The following ZBTB37 variants were observed in gnomAD, a reference collection of about 807,000 sequenced individuals.
ZBTB37 encodes the protein zinc finger and BTB domain-containing protein 37.
A neutral mutation model predicts 37.7 loss-of-function variants in ZBTB37; 15 were observed. That is an observed-to-expected ratio of 0.40 (90% CI 0.27 to 0.61). The LOEUF is 0.61. Among genes scored for constraint, ZBTB37 ranks in the 20% least tolerant of loss-of-function variants. ZBTB37 has a pLI of 0.44. For missense variants in ZBTB37, 514 were observed against 641.9 expected (o/e 0.80, Z 2.15); for synonymous variants, 231 against 220.6 (o/e 1.05, Z -0.42).
In ZBTB37 at chr1:173,870,707, G is replaced by C. The variant is rs770244691; in HGVS notation, c.482G>C (p.Arg161Pro). 15 of 1,614,120 alleles carry C rather than the reference G, an allele frequency of 9.3e-6. No homozygotes were observed. In the Admixed American group the frequency reaches 2.5e-4, roughly 27 times the overall value. ...CACAGGGTTACACCAAATCTCAACC[G>C]CTCCCTTAGCCCACGACATAATACC... The change falls in exon 3 of 5, where the codon CGC becomes CCC. Residue 161 changes from arginine to proline, a missense_variant. Arg to Pro is a moderately radical substitution (Grantham distance 103). Coordinates refer to ENST00000427304, the Ensembl canonical transcript of ZBTB37.
intron 4 of ZBTB37, among the ~76,000 whole-genome samples, chr1:173,881,578 A>G (rs1656310604): frequency 6.6e-6 from 1 of 152,224 alleles, no homozygotes; most frequent in African/African-American, 2.4e-5. Context: ...CCAACAGTGC[A>G]AAAGTGTTCC....
exon 3 of ZBTB37, chr1:173,870,614 A>G (rs749925927): frequency 6.2e-7 from 1 of 1,614,222 alleles, no homozygotes. Flanking sequence ...TTCAAAATTA[A>G]TGTGGCTGAG....
At chr1:173,871,101 G>T (rs758699490) in exon 3 of ZBTB37, 1 of 1,613,098 alleles carries the variant, frequency 6.2e-7, no homozygotes, top group African/African-American at 1.3e-5. Flanking sequence ...ATACTTTAGG[G>T]TCTTCAGGAG....
chr1:173,885,528 A>T (rs1026028465), intron 4 of ZBTB37, 108 bp from the exon 5 acceptor site: 3 of 960,828 alleles, frequency 3.1e-6, no homozygotes, highest in East Asian at 5.4e-5. Context: ...ATCCGCCACT[A>T]AAAAGGTACA....
At chr1:173,868,127 C>T (rs1046579570), upstream of ZBTB37, 4 of 157,770 alleles carry the variant, frequency 2.5e-5, no homozygotes, top group African/African-American at 9.6e-5. Flanking sequence ...TTCTTCCCAC[C>T]CCTTAAGTCC....
At chr1:173,875,291 G>A (rs1655887246) in intron 4 of ZBTB37, among the ~76,000 whole-genome samples, 1 of 148,670 alleles carries the variant, frequency 6.7e-6, no homozygotes, top group South Asian at 2.1e-4. Flanking sequence ...CTAATTTGTA[G>A]CATTTTATTT....
downstream of ZBTB37, chr1:173,886,981 G>T (rs1163894648): frequency 6.6e-6 from 1 of 152,156 alleles, no homozygotes; most frequent in Non-Finnish European, 1.5e-5. Context: ...TTGGGTAATG[G>T]CTCTAGTTCA....
At chr1:173,881,158 A>G (rs1267618561) in intron 4 of ZBTB37, among the ~76,000 whole-genome samples, 2 of 151,702 alleles carry the variant, frequency 1.3e-5, no homozygotes, top group Admixed American at 1.3e-4. Context: ...CCTGTGTCCA[A>G]GTGTTCTCAT....
At chr1:173,893,690 T>TA (rs1656939078) in exon 4 of ZBTB37, 1 of 152,260 alleles carries the variant, frequency 6.6e-6, no homozygotes, top group African/African-American at 2.4e-5. Flanking sequence ...TTTGAATGCT[T>TA]ACTATGTGCC....
intron 4 of ZBTB37, among the ~76,000 whole-genome samples, chr1:173,879,917 C>G (rs1557887644): frequency 6.6e-6 from 1 of 152,212 alleles, no homozygotes; most frequent in East Asian, 1.9e-4. Flanking sequence ...TGCTACTGCA[C>G]TCCAGCCTGG....
chr1:173,883,830 A>G (rs1411033505), intron 4 of ZBTB37, among the ~76,000 whole-genome samples: 1 of 152,152 alleles, frequency 6.6e-6, no homozygotes, highest in Non-Finnish European at 1.5e-5. Flanking sequence ...GGAAGGGACA[A>G]AACACATTTT....
chr1:173,894,384 T>G (rs1656965008), exon 4 of ZBTB37: 1 of 152,210 alleles, frequency 6.6e-6, no homozygotes. Context: ...CTGGTGGTAT[T>G]CAGCAGGTGG....
At chr1:173,874,170 G>A (rs1250684051) in intron 4 of ZBTB37, among the ~76,000 whole-genome samples, 1 of 149,790 alleles carries the variant, frequency 6.7e-6, no homozygotes, top group African/African-American at 2.5e-5. Context: ...CAGGACAATG[G>A]CTTGAACCCG....
chr1:173,871,240 C>T, intron 3 of ZBTB37, 92 bp downstream of exon 3: 2 of 1,266,290 alleles, frequency 1.6e-6, no homozygotes, highest in Non-Finnish European at 2.1e-6. Flanking sequence ...ATTTTCCTTA[C>T]CTGATTTTCT....
At chr1:173,884,927 C>T (rs937037829) in intron 4 of ZBTB37, among the ~76,000 whole-genome samples, 1 of 152,110 alleles carries the variant, frequency 6.6e-6, no homozygotes, top group African/African-American at 2.4e-5. Context: ...TGGGGTAGAG[C>T]ATTTTCATCA....
Position 173,873,332 on chromosome 1 carries a change from A to G in ZBTB37, c.924-135A>G, listed in dbSNP as rs1164202389. On this transcript the variant is annotated intron_variant, in intron 3 of 4. Coordinates refer to ENST00000427304, the Ensembl canonical transcript of ZBTB37. ...TCAGATTATGTATTAACTCCACAAA[A>G]CTATTCCTCAGTTATTTGTTGCTTG... 1.8e-5 allele frequency: 15 copies of G among 835,984 alleles called. No individual in the cohort carries two copies. The East Asian group carries it at 3.9e-4, about 22-fold the overall frequency. The allele number at this position is 835,984 out of a possible 1,614,324, so 51.8% of individuals were successfully genotyped here. A position where few individuals can be genotyped will look rare whatever the true frequency, so the allele number is the denominator to read the frequency against.
exon 5 of ZBTB37, chr1:173,885,742 A>T: frequency 6.4e-7 from 1 of 1,551,576 alleles, no homozygotes; most frequent in Non-Finnish European, 8.7e-7. Flanking sequence ...ACCTGCATCT[A>T]TTGCGCCAAA....
chr1:173,873,992 G>T (rs9425763), intron 4 of ZBTB37, among the ~76,000 whole-genome samples: 3 of 151,952 alleles, frequency 2.0e-5, no homozygotes, highest in African/African-American at 7.2e-5. Flanking sequence ...GCAGTGGCTC[G>T]CGCCTGTAAT....
chr1:173,886,875 G>A (rs1447571567), downstream of ZBTB37: 4 of 152,204 alleles, frequency 2.6e-5, no homozygotes, highest in South Asian at 2.1e-4. Context: ...AGGAGAGCAG[G>A]GAGGGAAGTG....
Sources: allele counts gnomAD v4.1 joint callset (sites outside exome capture counted in the v4.1 genomes callset), GRCh38; gene constraint gnomAD v4.1.1; transcripts MANE v1.5; gene names NCBI Gene and HGNC (gene_info 2026-07-23, HGNC 2026-07-21).